PCDHGB1: variants seen among roughly 807,000 people sequenced by gnomAD.
PCDHGB1 encodes the protein protocadherin gamma-B1.
Under a neutral mutation model 56.6 loss-of-function variants are expected in PCDHGB1, and 34 were observed. That is an observed-to-expected ratio of 0.60 (90% CI 0.46 to 0.80). The LOEUF (loss-of-function observed/expected upper bound fraction) is 0.80. PCDHGB1 is among the 30% of genes least tolerant of loss of function. The probability of loss-of-function intolerance (pLI) is 0.00; values close to 1 mark genes in which losing one functional copy is unlikely to be tolerated. For synonymous variants in PCDHGB1, 561 were observed against 505.9 expected (o/e 1.11, Z -1.46); for missense variants, 1,278 against 1,204.6 (o/e 1.06, Z -0.90).
At position 141,357,578 on chromosome 5, in the gene PCDHGB1, T is replaced by G. The variant is rs1343240769; in HGVS notation, c.2409+4909T>G. 11 of 1,614,084 alleles carry G rather than the reference T, an allele frequency of 6.8e-6. No individual in the cohort carries two copies. The highest frequency in any genetic ancestry group is 8.5e-6 in the Non-Finnish European group (10 of 1,180,040). On this transcript the variant is annotated intron_variant, in intron 1 of 3. Transcript: ENST00000523390. ...TGTGAGAAAAGCGAGCCTCTTCTGATAACTCAGGATTTACTTGAAACAAAA... is the reference window on the plus strand; with the variant it reads ...TGTGAGAAAAGCGAGCCTCTTCTGAGAACTCAGGATTTACTTGAAACAAAA...
At chr5:141,447,032 C>A (rs1412709585) in intron 1 of PCDHGB1, among the ~76,000 whole-genome samples, 1 of 149,498 alleles carries the variant, frequency 6.7e-6, no homozygotes, top group Admixed American at 6.6e-5. Context: ...TGTTTTTTTT[C>A]TGTGTCTGGA....
chr5:141,370,752 A>G (rs1561547929), intron 1 of PCDHGB1: 1 of 1,613,836 alleles, frequency 6.2e-7, no homozygotes, highest in African/African-American at 1.3e-5. Flanking sequence ...TTTTCATGTA[A>G]CTGTGCTGAT....
chr5:141,384,586 C>T lies in PCDHGB1; in HGVS notation c.2409+31917C>T, dbSNP rs747814318. ...CCAGAATGACAACCCGCCCGAGATC[C>T]TGTACCCGGCCCTCCCCACAGATGG... On this transcript the variant is annotated intron_variant, in intron 1 of 3. Transcript: ENST00000523390. The T allele has an allele frequency of 2.5e-6, 4 of 1,614,274 alleles. No homozygotes were observed. In the South Asian group the frequency reaches 4.4e-5, roughly 18 times the overall value.
At chr5:141,374,123 G>A (rs1770158708) in intron 1 of PCDHGB1, 2 of 1,602,040 alleles carry the variant, frequency 1.2e-6, no homozygotes, top group Non-Finnish European at 8.5e-7. Context: ...CAGCGAGCAG[G>A]TCCTGCTCCT....
intron 1 of PCDHGB1, chr5:141,404,892 A>G (rs2094580163): frequency 1.2e-6 from 2 of 1,613,880 alleles, no homozygotes; most frequent in African/African-American, 1.3e-5. Flanking sequence ...GTGGCTGTAC[A>G]GGACCATGGC....
rs781586915 is a variant in PCDHGB1, at chr5:141,389,444, C to G, written c.2409+36775C>G. 7.0e-5 allele frequency: 112 copies of G among 1,610,446 alleles called. No homozygotes were observed. Among genetic ancestry groups the G allele is most frequent in the Middle Eastern group, 1.7e-4 (1 of 5,992 alleles). On this transcript the variant is annotated intron_variant, in intron 1 of 3. Transcript: ENST00000523390. Reference sequence around the variant, plus strand: ...TGTTCGCGCAGCGCGCCTTCGACCACGAGCAGCTGCGCGCCTTCGAACTCA... The same window carrying G: ...TGTTCGCGCAGCGCGCCTTCGACCAGGAGCAGCTGCGCGCCTTCGAACTCA...
Position 141,490,066 on chromosome 5 carries a change from C to G in PCDHGB1, c.2410-4741C>G. ...TGATCCAGACGAGGGCACCAACGGC[C>G]AACTAGACTATTCTTTTGGAGACCA... On this transcript the variant is annotated intron_variant, in intron 1 of 3. Coordinates refer to ENST00000523390, the MANE Select transcript of PCDHGB1 (RefSeq NM_018922.3). The surrounding 1 kb of genome is among the most constrained non-coding windows in gnomAD (Gnocchi z 5.4). The G allele has an allele frequency of 1.2e-6, 2 of 1,614,248 alleles. No individual in the cohort carries two copies. Among genetic ancestry groups the G allele is most frequent in the Non-Finnish European group, 1.7e-6 (2 of 1,180,034 alleles).
chr5:141,362,549 T>C (rs1762561997), intron 1 of PCDHGB1: 1 of 1,612,502 alleles, frequency 6.2e-7, no homozygotes, highest in Admixed American at 1.7e-5. Context: ...TCAGATACTA[T>C]TTTGAAGGTG....
intron 1 of PCDHGB1, chr5:141,370,600 T>C: frequency 6.2e-7 from 1 of 1,613,984 alleles, no homozygotes; most frequent in East Asian, 2.2e-5. Flanking sequence ...CTGCGGGTTA[T>C]TGCAGAGAAG....
intron 1 of PCDHGB1, chr5:141,409,951 G>T: frequency 6.2e-7 from 1 of 1,613,374 alleles, no homozygotes; most frequent in Non-Finnish European, 8.5e-7. Context: ...GCTCTGCAGA[G>T]CCCGGCTACC....
At chr5:141,455,634 G>T (rs1429708887) in intron 1 of PCDHGB1, among the ~76,000 whole-genome samples, 1 of 152,110 alleles carries the variant, frequency 6.6e-6, no homozygotes, top group African/African-American at 2.4e-5. Context: ...GAGATATGTG[G>T]GGGGCAGCCA....
intron 1 of PCDHGB1, chr5:141,383,856 T>C (rs1307177086): frequency 6.2e-7 from 1 of 1,613,964 alleles, no homozygotes; most frequent in Admixed American, 1.7e-5. Flanking sequence ...AAATGGAGGT[T>C]CAGGCTCAAG....
At chr5:141,383,465 C>A (rs199737560) in intron 1 of PCDHGB1, 8 of 1,613,792 alleles carry the variant, frequency 5.0e-6, no homozygotes, top group Non-Finnish European at 5.9e-6. Context: ...GACGATGAAA[C>A]TAAGTACCCG....
intron 1 of PCDHGB1, chr5:141,423,450 T>G (rs571358720): frequency 1.2e-6 from 2 of 1,614,050 alleles, no homozygotes; most frequent in East Asian, 4.5e-5. Flanking sequence ...CGTCACATTT[T>G]GTAGGCGTGG....
At chr5:141,423,332 C>T in intron 1 of PCDHGB1, 1 of 1,614,198 alleles carries the variant, frequency 6.2e-7, no homozygotes, top group South Asian at 1.1e-5. Flanking sequence ...GCCGCAGTCT[C>T]CTGCATCTTC....
At chr5:141,388,126 G>T (rs531546122) in intron 1 of PCDHGB1, 7 of 1,431,030 alleles carry the variant, frequency 4.9e-6, no homozygotes, top group East Asian at 2.4e-5. Flanking sequence ...AGCGCAGAGA[G>T]CGGGGAGTTG....
chr5:141,409,023 A>C, intron 1 of PCDHGB1: 1 of 1,614,044 alleles, frequency 6.2e-7, no homozygotes, highest in Non-Finnish European at 8.5e-7. Flanking sequence ...GAGGGGGTCA[A>C]TGCTGAGATA....
rs768015584 is a variant in PCDHGB1, at chr5:141,356,906, C to T, written c.2409+4237C>T. ...GAGATCCTGTACCCCACCTTCCCTA[C>T]TGATGGCTCCACTGGTGTGGAGCTG... is the stretch of plus-strand genomic sequence containing the variant. On this transcript the variant is annotated intron_variant, in intron 1 of 3. Coordinates refer to ENST00000523390, the MANE Select transcript of PCDHGB1 (RefSeq NM_018922.3). 7.4e-6 allele frequency: 12 copies of T among 1,614,110 alleles called. No individual in the cohort carries two copies. In the Admixed American group the frequency reaches 8.3e-5, roughly 11 times the overall value.
At chr5:141,497,595 A>C (rs973413640) in intron 2 of PCDHGB1, among the ~76,000 whole-genome samples, 1 of 147,414 alleles carries the variant, frequency 6.8e-6, no homozygotes, top group East Asian at 2.0e-4. Context: ...GCTGGAGTGC[A>C]GTGGTGCGAT....
Sources: allele counts gnomAD v4.1 joint callset (sites outside exome capture counted in the v4.1 genomes callset), GRCh38; gene constraint gnomAD v4.1.1; non-coding constraint Gnocchi (gnomAD v3.1); transcripts MANE v1.5; gene names NCBI Gene and HGNC (gene_info 2026-07-23, HGNC 2026-07-21).